The following BTRC variants were observed in gnomAD, a reference collection of about 807,000 sequenced individuals.
BTRC encodes the protein F-box/WD repeat-containing protein 1A.
Under a neutral mutation model 85.5 loss-of-function variants are expected in BTRC, and 42 were observed. That is an observed-to-expected ratio of 0.49 (90% CI 0.38 to 0.64). The LOEUF is 0.64. Ranked by LOEUF, BTRC falls within the 30% of genes least tolerant of loss-of-function variation. The pLI is 0.00. For synonymous variants in BTRC, 255 were observed against 263.3 expected (o/e 0.97, Z 0.30); for missense variants, 594 against 743.5 (o/e 0.80, Z 2.34).
intron 1 of BTRC, among the ~76,000 whole-genome samples, chr10:101,390,678 T>C (rs1471938003): frequency 6.6e-6 from 1 of 151,922 alleles, no homozygotes; most frequent in African/African-American, 2.4e-5. Flanking sequence ...TTAAAAGACA[T>C]TAGAGCAAAT....
chr10:101,399,873 A>G (rs1016091290), intron 1 of BTRC, among the ~76,000 whole-genome samples: 3 of 152,132 alleles, frequency 2.0e-5, no homozygotes, highest in African/African-American at 7.2e-5. Flanking sequence ...CCATTTCACA[A>G]TTTCTTGTCA....
At chr10:101,362,257 T>C (rs1442570706) in intron 1 of BTRC, among the ~76,000 whole-genome samples, 2 of 147,308 alleles carry the variant, frequency 1.4e-5, no homozygotes, top group African/African-American at 5.0e-5. Context: ...GTGCCCGGCC[T>C]TGAGTTGGAA....
chr10:101,462,679 CAAAAAA>C (rs564048359), intron 3 of BTRC, among the ~76,000 whole-genome samples: 2 of 99,340 alleles, frequency 2.0e-5, no homozygotes, highest in Non-Finnish European at 1.9e-5. Flanking sequence ...AACTCCGTCT[CAAAAAA>C]AAAAAAAAAA....
rs1041038729 is a variant in BTRC, at chr10:101,554,411, T to C, written c.*1288T>C. 7 of 152,520 alleles carry C rather than the reference T, an allele frequency of 4.6e-5. No homozygotes were observed. Among genetic ancestry groups the C allele is most frequent in the Non-Finnish European group, 1.0e-4 (7 of 68,054 alleles). The allele number at this position is 152,520 out of a possible 1,614,324, so 9.4% of individuals were successfully genotyped here. A position where few individuals can be genotyped will look rare whatever the true frequency, so the allele number is the denominator to read the frequency against. On this transcript the variant is annotated 3_prime_UTR_variant, in exon 15 of 15. Coordinates refer to ENST00000370187, the MANE Select transcript of BTRC (RefSeq NM_033637.4). Reference sequence around the variant, plus strand: ...GATGGTCAGGAGAAAACACTGTTTTTGTTTTTTTTGTTGTTTTGTTTTGTT... The same window carrying C: ...GATGGTCAGGAGAAAACACTGTTTTCGTTTTTTTTGTTGTTTTGTTTTGTT...
At chr10:101,368,110 G>C (rs1357162955) in intron 1 of BTRC, among the ~76,000 whole-genome samples, 1 of 152,172 alleles carries the variant, frequency 6.6e-6, no homozygotes, top group African/African-American at 2.4e-5. Flanking sequence ...GATTATGGAG[G>C]TGCGTTCCTC....
chr10:101,472,612 C>G (rs372503735), intron 3 of BTRC, among the ~76,000 whole-genome samples: 1 of 152,034 alleles, frequency 6.6e-6, no homozygotes, highest in Admixed American at 6.6e-5. Context: ...GTCAGGAGTT[C>G]GAGACCAGCC....
chr10:101,520,049 A>G (rs1458204901), intron 4 of BTRC, among the ~76,000 whole-genome samples: 1 of 152,192 alleles, frequency 6.6e-6, no homozygotes, highest in African/African-American at 2.4e-5. Context: ...TTTGCCTACC[A>G]CAATAACATA....
chr10:101,525,897 G>A, intron 5 of BTRC, 116 bp from the exon 6 acceptor site: 3 of 994,704 alleles, frequency 3.0e-6, no homozygotes, highest in Non-Finnish European at 1.5e-6. Context: ...CCACACTAGG[G>A]ACAATGATGT....
chr10:101,441,803 C>G (rs1299360783), intron 2 of BTRC, among the ~76,000 whole-genome samples: 1 of 146,498 alleles, frequency 6.8e-6, no homozygotes, highest in African/African-American at 2.5e-5. Flanking sequence ...ATCGCTTGAA[C>G]CTGGGAGGCG....
At chr10:101,521,926 A>T in intron 5 of BTRC, 56 bp downstream of exon 5, 1 of 1,332,998 alleles carries the variant, frequency 7.5e-7, no homozygotes, top group South Asian at 1.3e-5. Flanking sequence ...AGAGAACTAG[A>T]TCTCCAGCTA....
chr10:101,488,458 G>C (rs1019204696), intron 4 of BTRC, among the ~76,000 whole-genome samples: 3 of 152,112 alleles, frequency 2.0e-5, no homozygotes, highest in African/African-American at 7.2e-5. Context: ...GAGACTAAAG[G>C]TTGATTCATC....
At chr10:101,372,132 C>G (rs1942653023) in intron 1 of BTRC, among the ~76,000 whole-genome samples, 1 of 152,042 alleles carries the variant, frequency 6.6e-6, no homozygotes, top group South Asian at 2.1e-4. Flanking sequence ...CAATACCACA[C>G]TGTCTTAATT....
At chr10:101,463,609 G>T (rs1027410217) in intron 3 of BTRC, among the ~76,000 whole-genome samples, 1 of 152,140 alleles carries the variant, frequency 6.6e-6, no homozygotes, top group Non-Finnish European at 1.5e-5. Flanking sequence ...CACCCACCGT[G>T]AACATGATGC....
At chr10:101,533,299 G>C (rs781578184) in intron 9 of BTRC, among the ~76,000 whole-genome samples, 1 of 152,142 alleles carries the variant, frequency 6.6e-6, no homozygotes, top group Non-Finnish European at 1.5e-5. Flanking sequence ...ATTTTAATTT[G>C]GAGGATCATC....
At chr10:101,372,825 A>G (rs899240917) in intron 1 of BTRC, among the ~76,000 whole-genome samples, 2 of 151,996 alleles carry the variant, frequency 1.3e-5, no homozygotes. Flanking sequence ...ATGCCACTGC[A>G]CTGCAGCCTG....
intron 2 of BTRC, among the ~76,000 whole-genome samples, chr10:101,434,771 A>G (rs1944484549): frequency 1.3e-5 from 2 of 150,416 alleles, no homozygotes; most frequent in South Asian, 4.2e-4. Context: ...GAACAGCCTG[A>G]CCAACATGGC....
At chr10:101,474,201 G>A (rs985948415) in intron 3 of BTRC, among the ~76,000 whole-genome samples, 1 of 151,944 alleles carries the variant, frequency 6.6e-6, no homozygotes, top group African/African-American at 2.4e-5. Context: ...ATTATAAATG[G>A]TACATTGCAG....
At chr10:101,450,604 CAT>C (rs1944934056) in intron 2 of BTRC, among the ~76,000 whole-genome samples, 2 of 152,184 alleles carry the variant, frequency 1.3e-5, no homozygotes, top group Non-Finnish European at 2.9e-5. Flanking sequence ...TGATCTCTTA[CAT>C]TAACAGCCCA....
rs191397012 is a variant in BTRC at position 101,517,786 on chromosome 10, A to G, written c.325-3853A>G. Among the ~76,000 whole-genome samples, 166 of 152,326 alleles carry G rather than the reference A, an allele frequency of 1.1e-3. 2 individuals carry two copies. The South Asian group carries it at 0.022, about 20-fold the overall frequency. On this transcript the variant is annotated intron_variant, in intron 4 of 14. Transcript: ENST00000370187. ...TTCTCATACTCATATCCAGTCGATC[A>G]GCAAATTCAGTAGGATCTGTCTTCA... is the stretch of plus-strand genomic sequence containing the variant.
Sources: gnomAD v4.1 joint callset for allele counts (sites outside exome capture counted in the v4.1 genomes callset) on GRCh38, gnomAD v4.1.1 for gene constraint, MANE v1.5 for transcripts, NCBI Gene and HGNC (gene_info 2026-07-23, HGNC 2026-07-21) for gene names.